The following ENTPD3 variants were observed in gnomAD, a reference collection of about 807,000 sequenced individuals.
ENTPD3 encodes CD39 antigen-like 3.
Under a neutral mutation model 51.2 loss-of-function variants are expected in ENTPD3, and 60 were observed. That is an observed-to-expected ratio of 1.17 (90% CI 0.95 to 1.45). The LOEUF (loss-of-function observed/expected upper bound fraction) is 1.45, where lower values mean the gene tolerates loss of function less well. ENTPD3 is among the 40% of genes most tolerant of loss of function. The pLI is 0.00. For synonymous variants in ENTPD3, 221 were observed against 238.4 expected, an observed-to-expected ratio of 0.93 and a Z score of 0.67; for missense variants, 593 against 641.1, an observed-to-expected ratio of 0.93 and a Z score of 0.81.
At chr3:40,412,421 G>A (rs1955656370) in intron 5 of ENTPD3, among the ~76,000 whole-genome samples, 1 of 152,120 alleles carries the variant, frequency 6.6e-6, no homozygotes. Context: ...CAAAGCTTTT[G>A]GAGTTGTTAT....
intron 4 of ENTPD3, among the ~76,000 whole-genome samples, chr3:40,406,583 G>C (rs1955507051): frequency 6.6e-6 from 1 of 152,200 alleles, no homozygotes; most frequent in Non-Finnish European, 1.5e-5. Flanking sequence ...GTACGGGTGA[G>C]AGATTAGGTG....
chr3:40,414,437 C>T (rs73076056), intron 5 of ENTPD3, among the ~76,000 whole-genome samples: 3,493 of 152,238 alleles, frequency 0.023, 57 homozygotes, highest in Non-Finnish European at 0.036. Context: ...ACAAATTGTA[C>T]TTATGCTGAA....
intron 3 of ENTPD3, among the ~76,000 whole-genome samples, chr3:40,394,138 G>A (rs776553798): frequency 2.6e-5 from 4 of 151,190 alleles, no homozygotes; most frequent in South Asian, 4.2e-4. Flanking sequence ...TTTGTGAGAC[G>A]GAGTCGTGCT....
intron 4 of ENTPD3, among the ~76,000 whole-genome samples, chr3:40,408,970 C>A (rs1293157921): frequency 6.6e-6 from 1 of 151,872 alleles, no homozygotes; most frequent in Admixed American, 6.6e-5. Context: ...AAAAATTATT[C>A]ATACAGGCTG....
At chr3:40,409,782 T>C (rs1346155217) in intron 4 of ENTPD3, among the ~76,000 whole-genome samples, 2 of 152,178 alleles carry the variant, frequency 1.3e-5, no homozygotes, top group Non-Finnish European at 2.9e-5. Flanking sequence ...AATTAAGTTA[T>C]GTTCATGCAA....
At chr3:40,420,328 C>T (rs371412802) in intron 7 of ENTPD3, among the ~76,000 whole-genome samples, 14 of 151,038 alleles carry the variant, frequency 9.3e-5, no homozygotes, top group Admixed American at 4.6e-4. Flanking sequence ...CTCTGCCTCT[C>T]GGGTTCACGC....
chr3:40,423,686 A>T, intron 9 of ENTPD3, 140 bp from the exon 10 acceptor site: 1 of 957,430 alleles, frequency 1.0e-6, no homozygotes, highest in Non-Finnish European at 1.5e-6. Flanking sequence ...ATATTGTGTG[A>T]TTATATGATT....
At chr3:40,391,816 A>T in intron 2 of ENTPD3, 1 of 603,012 alleles carries the variant, frequency 1.7e-6, no homozygotes, top group Non-Finnish European at 2.9e-6. Context: ...TTTGTGAGGA[A>T]GGGCAAATAG....
intron 7 of ENTPD3, among the ~76,000 whole-genome samples, chr3:40,421,814 A>T (rs1047163368): frequency 6.6e-6 from 1 of 152,182 alleles, no homozygotes; most frequent in Non-Finnish European, 1.5e-5. Flanking sequence ...AAAGAAAAGC[A>T]TGGGAGAAAA....
chr3:40,388,599 C>G (rs956176210), intron 2 of ENTPD3, among the ~76,000 whole-genome samples: 23 of 148,194 alleles, frequency 1.6e-4, no homozygotes, highest in African/African-American at 5.8e-4. Flanking sequence ...CACACACACA[C>G]ACACACACAC....
Position 40,422,897 on chromosome 3 carries a change from T to G in ENTPD3, c.879T>G (p.Asp293Glu). Residue 293 changes from aspartate to glutamate, a missense_variant, in exon 8 of 11, where the codon GAT becomes GAG. By Grantham distance (45) the Asp-to-Glu change is conservative. Coordinates refer to ENST00000301825, the MANE Select transcript of ENTPD3 (RefSeq NM_001248.4). ...NHLTNPCYPRDYSISFTMGHV... is the reference protein window; with the variant it reads ...NHLTNPCYPREYSISFTMGHV... ...TCACCAATCCCTGTTACCCTCGGGA[T>G]TATAGCATCAGCTTCACCATGGGCC... 6.2e-7 allele frequency: 1 copy of G among 1,613,950 alleles called. No individual in the cohort carries two copies. The highest frequency in any genetic ancestry group is 1.3e-5 in the African/African-American group (1 of 75,038).
At chr3:40,390,127 A>G (rs1183837832) in intron 2 of ENTPD3, among the ~76,000 whole-genome samples, 1 of 152,142 alleles carries the variant, frequency 6.6e-6, no homozygotes, top group African/African-American at 2.4e-5. Context: ...GAATCTAGTG[A>G]TCTTTCTATT....
intron 6 of ENTPD3, 51 bp from the exon 7 acceptor site, chr3:40,415,789 C>A: frequency 6.7e-7 from 1 of 1,487,184 alleles, no homozygotes; most frequent in Non-Finnish European, 9.4e-7. Flanking sequence ...TCTGGGCAAA[C>A]AGAGATGGTG....
At chr3:40,388,971 C>T (rs747391967) in intron 2 of ENTPD3, among the ~76,000 whole-genome samples, 7 of 152,180 alleles carry the variant, frequency 4.6e-5, no homozygotes, top group Non-Finnish European at 1.0e-4. Flanking sequence ...GATAGACATT[C>T]TTTAGTCATG....
chr3:40,426,607 A>T (rs928785174), intron 10 of ENTPD3, among the ~76,000 whole-genome samples: 5 of 152,184 alleles, frequency 3.3e-5, no homozygotes, highest in African/African-American at 1.2e-4. Flanking sequence ...TATAAGAGAA[A>T]CATGGTTCAA....
chr3:40,421,683 A>G (rs1575232816), intron 7 of ENTPD3, among the ~76,000 whole-genome samples: 1 of 152,164 alleles, frequency 6.6e-6, no homozygotes, highest in African/African-American at 2.4e-5. Context: ...TGCAGCTACT[A>G]AAAAAATAGG....
intron 4 of ENTPD3, among the ~76,000 whole-genome samples, chr3:40,408,289 A>T (rs1006616481): frequency 6.6e-6 from 1 of 152,234 alleles, no homozygotes; most frequent in Non-Finnish European, 1.5e-5. Flanking sequence ...TTTCTTAGGT[A>T]TCATGGTTAT....
intron 4 of ENTPD3, among the ~76,000 whole-genome samples, chr3:40,407,988 T>TA (rs1324947653): frequency 6.6e-6 from 1 of 152,114 alleles, no homozygotes; most frequent in African/African-American, 2.4e-5. Flanking sequence ...TCCCAGTTTA[T>TA]AAAAAACACA....
intron 4 of ENTPD3, among the ~76,000 whole-genome samples, chr3:40,403,721 T>C (rs913418643): frequency 1.3e-5 from 2 of 151,166 alleles, no homozygotes; most frequent in East Asian, 1.9e-4. Flanking sequence ...GGCACAATCA[T>C]GGCTCGCTGC....
Sources: gnomAD v4.1 joint callset for allele counts (sites outside exome capture counted in the v4.1 genomes callset) on GRCh38, gnomAD v4.1.1 for gene constraint, MANE v1.5 for transcripts, NCBI Gene and HGNC (gene_info 2026-07-23, HGNC 2026-07-21) for gene names.